Variants in TLL1 observed in about 807,000 individuals in gnomAD.
TLL1 encodes the protein tolloid like 1.
A neutral mutation model predicts 128.2 loss-of-function variants in TLL1; 49 were observed. The ratio of observed to expected loss-of-function variants is 0.38; its 90% CI spans 0.30 to 0.48. TLL1 has a LOEUF of 0.48. TLL1 is among the 20% of genes least tolerant of loss of function. The pLI is 0.96. For synonymous variants in TLL1, 454 were observed against 418.8 expected (o/e 1.08, Z -1.03); for missense variants, 1,123 against 1,242.0 (o/e 0.90, Z 1.44).
chr4:166,016,539 C>T (rs1737958385), intron 8 of TLL1, among the ~76,000 whole-genome samples: 1 of 151,864 alleles, frequency 6.6e-6, no homozygotes, highest in African/African-American at 2.4e-5. Context: ...CAGTTATAAA[C>T]AGGAAGATAA....
At chr4:166,030,173 T>C (rs1738696597) in intron 9 of TLL1, among the ~76,000 whole-genome samples, 2 of 152,170 alleles carry the variant, frequency 1.3e-5, no homozygotes, top group Admixed American at 1.3e-4. Context: ...GTTGTTTTGA[T>C]AGTAGCCATC....
chr4:165,873,733 T>C lies in TLL1; in HGVS notation c.-172T>C, dbSNP rs527942110. Reference sequence around the variant, plus strand: ...GGGGTAACAGGCAGTGCTTGCCCTCTCTACTGTCCCGGCGGCATCCACATG... The same window carrying C: ...GGGGTAACAGGCAGTGCTTGCCCTCCCTACTGTCCCGGCGGCATCCACATG... On this transcript the variant is annotated 5_prime_UTR_variant, in exon 1 of 21. Transcript: ENST00000061240. The C allele has an allele frequency of 2.2e-4, 146 of 654,678 alleles. No individual in the cohort carries two copies. The highest frequency in any genetic ancestry group is 6.9e-5 in the Non-Finnish European group (26 of 378,730). 40.6% of individuals were successfully genotyped at this position (654,678 alleles called of 1,614,324 possible).
intron 1 of TLL1, among the ~76,000 whole-genome samples, chr4:165,959,563 C>G (rs1405685674): frequency 6.6e-6 from 1 of 152,126 alleles, no homozygotes; most frequent in Non-Finnish European, 1.5e-5. Context: ...CCACATGGAA[C>G]ATACTTGAAG....
chr4:166,100,160 T>C (rs561784852), intron 20 of TLL1, among the ~76,000 whole-genome samples: 4 of 152,276 alleles, frequency 2.6e-5, no homozygotes, highest in Non-Finnish European at 4.4e-5. Context: ...ATTTATAGTC[T>C]TCTGAATACA....
intron 9 of TLL1, among the ~76,000 whole-genome samples, chr4:166,038,490 G>GAA (rs200845034): frequency 6.5e-4 from 95 of 145,452 alleles, no homozygotes; most frequent in East Asian, 1.0e-3. Context: ...TTTTGAATGT[G>GAA]AAAAAAAAAA....
intron 1 of TLL1, among the ~76,000 whole-genome samples, chr4:165,902,466 C>T (rs969274383): frequency 1.3e-5 from 2 of 152,146 alleles, no homozygotes; most frequent in Admixed American, 1.3e-4. Flanking sequence ...GGGAAAAGCA[C>T]AGTATTTGAG....
At chr4:166,065,000 T>C (rs889277174) in intron 15 of TLL1, among the ~76,000 whole-genome samples, 1 of 152,116 alleles carries the variant, frequency 6.6e-6, no homozygotes, top group Non-Finnish European at 1.5e-5. Flanking sequence ...TTTGGAAAAG[T>C]ATATTATGGA....
intron 1 of TLL1, among the ~76,000 whole-genome samples, chr4:165,951,937 A>G (rs575128835): frequency 1.6e-4 from 24 of 152,184 alleles, no homozygotes; most frequent in Non-Finnish European, 2.4e-4. Context: ...CTAGAGCACT[A>G]CTAATCTACT....
chr4:165,916,467 T>C lies in TLL1; in HGVS notation c.169+42394T>C, dbSNP rs1561026648. ...TGAAATATTTAGGGGGAGGTGTACATCAGCGTCTGTGAATTACTTTGAAGT... is the reference window on the plus strand; with the variant it reads ...TGAAATATTTAGGGGGAGGTGTACACCAGCGTCTGTGAATTACTTTGAAGT... On this transcript the variant is annotated intron_variant, in intron 1 of 20. Coordinates refer to ENST00000061240, the MANE Select transcript of TLL1 (RefSeq NM_012464.5). Among the ~76,000 whole-genome samples the C allele has an allele frequency of 3.3e-5, 5 of 152,292 alleles. No individual in the cohort carries two copies. In the South Asian group the frequency reaches 1.0e-3, roughly 32 times the overall value.
At chr4:166,096,981 G>A (rs1742054403) in intron 19 of TLL1, among the ~76,000 whole-genome samples, 1 of 152,142 alleles carries the variant, frequency 6.6e-6, no homozygotes, top group South Asian at 2.1e-4. Flanking sequence ...TGTGCTCATA[G>A]GAAAATAATA....
chr4:165,880,435 G>A (rs1352450365), intron 1 of TLL1, among the ~76,000 whole-genome samples: 1 of 152,164 alleles, frequency 6.6e-6, no homozygotes. Flanking sequence ...TAAAACAAAT[G>A]CTATCCATTG....
At position 166,041,019 on chromosome 4, in the gene TLL1, TAAG is replaced by T. The variant is rs1182200472; in HGVS notation, c.1262-1007_1262-1005del. ...ATAAGCATAAATATTTGTGGAAAGA[TAAG>T]GAAGGAAGGAATGACAGGTATTATA... is the stretch of plus-strand genomic sequence containing the variant. On this transcript the variant is annotated intron_variant, in intron 10 of 20. Transcript: ENST00000061240. Among the ~76,000 whole-genome samples, 29 of 152,274 alleles carry T rather than the reference TAAG, an allele frequency of 1.9e-4. No individual in the cohort carries two copies. The East Asian group carries it at 4.6e-3, about 24-fold the overall frequency.
At chr4:166,013,054 G>T (rs1451088038) in intron 7 of TLL1, among the ~76,000 whole-genome samples, 1 of 151,688 alleles carries the variant, frequency 6.6e-6, no homozygotes, top group Non-Finnish European at 1.5e-5. Context: ...TTTCTGAGCT[G>T]TTGTGTTTCT....
At chr4:166,035,393 A>G (rs1418873551) in intron 9 of TLL1, among the ~76,000 whole-genome samples, 1 of 152,172 alleles carries the variant, frequency 6.6e-6, no homozygotes, top group Non-Finnish European at 1.5e-5. Flanking sequence ...ATAATACATA[A>G]GAATCTTAAT....
chr4:165,990,067 G>T (rs1457459476), intron 2 of TLL1, among the ~76,000 whole-genome samples: 1 of 151,670 alleles, frequency 6.6e-6, no homozygotes, highest in South Asian at 2.1e-4. Context: ...AACCCCAGAA[G>T]GCAATTTTAA....
chr4:165,995,099 T>C lies in TLL1; in HGVS notation c.553T>C (p.Trp185Arg). The C allele has an allele frequency of 6.2e-7, 1 of 1,614,054 alleles. No homozygotes were observed. Among genetic ancestry groups the C allele is most frequent in the Non-Finnish European group, 8.5e-7 (1 of 1,179,966 alleles). The change falls in exon 5 of 21, where the codon TGG (tryptophan) becomes CGG (arginine). Residue 185 changes from tryptophan (W) to arginine (R), a missense_variant. By Grantham distance (101) the Trp-to-Arg change is moderately radical (BLOSUM62 -3). Coordinates refer to ENST00000061240, the MANE Select transcript of TLL1 (RefSeq NM_012464.5). ...RAMFKQAMRHWEKHTCVTFIE... is the reference protein window; with the variant it reads ...RAMFKQAMRHREKHTCVTFIE... ...CATGTTCAAGCAGGCCATGAGGCAC[T>C]GGGAAAAGCACACATGTGTGACTTT... is the stretch of plus-strand genomic sequence containing the variant.
At chr4:165,947,277 A>T (rs111494527) in intron 1 of TLL1, among the ~76,000 whole-genome samples, 3 of 152,158 alleles carry the variant, frequency 2.0e-5, no homozygotes, top group African/African-American at 7.2e-5. Flanking sequence ...TCAAGACCCC[A>T]TCCTTAAGAC....
chr4:165,882,376 C>T (rs9637646), intron 1 of TLL1, among the ~76,000 whole-genome samples: 56,805 of 151,914 alleles, frequency 0.37, 10,774 homozygotes, highest in South Asian at 0.54. Context: ...AGTGGTAGAA[C>T]AAAATCTGGT....
intron 18 of TLL1, among the ~76,000 whole-genome samples, chr4:166,083,511 AT>A (rs1741378754): frequency 8.2e-6 from 1 of 122,678 alleles, no homozygotes; most frequent in African/African-American, 2.5e-5. Context: ...GAAATTTTGT[AT>A]TTTTTGACTG....
Sources: allele counts gnomAD v4.1 joint callset (sites outside exome capture counted in the v4.1 genomes callset), GRCh38; gene constraint gnomAD v4.1.1; transcripts MANE v1.5; gene names NCBI Gene and HGNC (gene_info 2026-07-23, HGNC 2026-07-21).